Variants in COL6A3 observed in about 807,000 individuals in gnomAD.
COL6A3 encodes the protein collagen type VI alpha 3 chain.
A neutral mutation model predicts 274.1 loss-of-function variants in COL6A3; 137 were observed. The observed-to-expected ratio is 0.50, with a 90% CI of 0.44 to 0.58. COL6A3 has a LOEUF of 0.58. Ranked by LOEUF, COL6A3 falls within the 20% of genes least tolerant of loss-of-function variation. COL6A3 has a pLI of 0.00. For synonymous variants in COL6A3, 1,650 were observed against 1,650.6 expected, an observed-to-expected ratio of 1.00 and a Z score of 0.01; for missense variants, 3,950 against 4,124.9, an observed-to-expected ratio of 0.96 and a Z score of 1.16.
Position 237,364,420 on chromosome 2 carries a change from A to C in COL6A3, c.5847T>G (p.Ile1949Met). The C allele has an allele frequency of 6.2e-7, 1 of 1,613,412 alleles. No homozygotes were observed. Among genetic ancestry groups the C allele is most frequent in the Non-Finnish European group, 8.5e-7 (1 of 1,179,394 alleles). ...QSSPDSVKVV[I>M]HFTDGADGDL... ...CTCCGTCTGCTCCATCAGTAAAATG[A>C]ATGACCACCTGCAGATAAGAGAGCT... is the stretch of plus-strand genomic sequence containing the variant. The change falls in exon 13 of 44, where the codon ATT becomes ATG. Residue 1949 changes from isoleucine (I) to methionine (M), a missense_variant. Physicochemically the swap from Ile to Met is conservative, Grantham distance 10. Coordinates refer to ENST00000295550, the MANE Select transcript of COL6A3 (RefSeq NM_004369.4). The surrounding 1 kb of genome is among the most constrained non-coding windows in gnomAD (Gnocchi z 4.6).
At chr2:237,360,218 C>T (rs1024639442) in intron 16 of COL6A3, 59 bp from the exon 17 acceptor site, 34 of 1,545,884 alleles carry the variant, frequency 2.2e-5, no homozygotes, top group Middle Eastern at 1.7e-4. Flanking sequence ...CTTTCTCTGC[C>T]GGGCTTGCAG....
rs771091001 is a variant in COL6A3, at chr2:237,377,215, G to A, written c.2627C>T (p.Ala876Val). The A allele has an allele frequency of 1.2e-5, 19 of 1,613,562 alleles. No homozygotes were observed. Among genetic ancestry groups the A allele is most frequent in the South Asian group, 3.3e-5 (3 of 91,072 alleles). Residue 876 changes from alanine (A) to valine (V), a missense_variant, in exon 7 of 44, where the codon GCG becomes GTG. Coordinates refer to ENST00000295550, the MANE Select transcript of COL6A3 (RefSeq NM_004369.4). The part of the protein sequence containing the change: ...LNVKPEGTRI[A>V]VAQYSDDVKV... ...GACATCATCGCTGTACTGAGCCACC[G>A]CAATTCGGGTCCCCTCTGGCTTCAC...
At chr2:237,387,488 C>T (rs998261601) in intron 4 of COL6A3, 94 bp downstream of exon 4, 31 of 1,586,512 alleles carry the variant, frequency 2.0e-5, no homozygotes, top group East Asian at 4.5e-5. Context: ...CAGCTTCTCC[C>T]GTGGCGAATC....
chr2:237,372,744 A>G (rs992789905), intron 8 of COL6A3, among the ~76,000 whole-genome samples: 1 of 152,338 alleles, frequency 6.6e-6, no homozygotes, highest in Admixed American at 6.5e-5. Flanking sequence ...GGGTGGGCTC[A>G]GAGAGGATGG....
At chr2:237,351,796 T>C (rs1053259898) in intron 26 of COL6A3, among the ~76,000 whole-genome samples, 28 of 152,254 alleles carry the variant, frequency 1.8e-4, no homozygotes, top group African/African-American at 5.8e-4. Flanking sequence ...CGTCTAAAGA[T>C]ATGTATTTAT....
Position 237,358,733 on chromosome 2 carries a change from T to A in COL6A3, c.6409-150A>T. ...TGAAGGCAAATTCACTTCCACATAT[T>A]TTTCATTCGTTTAGTAAATCCATGA... On this transcript the variant is annotated intron_variant, in intron 20 of 43. Transcript: ENST00000295550. 4.9e-6 allele frequency: 4 copies of A among 808,770 alleles called. No individual in the cohort carries two copies. The Admixed American group carries it at 8.2e-5, about 17-fold the overall frequency. 50.1% of individuals were successfully genotyped at this position (808,770 alleles called of 1,614,324 possible). A position where few individuals can be genotyped will look rare whatever the true frequency, so the allele number is the denominator to read the frequency against.
At position 237,334,987 on chromosome 2, in the gene COL6A3, C is replaced by A. The variant is rs1216703216; in HGVS notation, c.8966-98G>T. ...AATCTGAAAGGGATGTGTTAACAGACAAATTGACTTGAAATTTAGCTGAGG... is the reference window on the plus strand; with the variant it reads ...AATCTGAAAGGGATGTGTTAACAGAAAAATTGACTTGAAATTTAGCTGAGG... On this transcript the variant is annotated intron_variant, in intron 40 of 43. Transcript: ENST00000295550. 6 of 1,442,246 alleles carry A rather than the reference C, an allele frequency of 4.2e-6. No individual in the cohort carries two copies. The African/African-American group carries it at 4.2e-5, about 10-fold the overall frequency. The allele number at this position is 1,442,246 out of a possible 1,614,324, so 89.3% of individuals were successfully genotyped here.
chr2:237,347,814 C>T lies in COL6A3; in HGVS notation c.7022G>A (p.Gly2341Asp), dbSNP rs1309246158. The change falls in exon 31 of 44, where the codon GGC (glycine) becomes GAC (aspartate). Residue 2341 changes from glycine to aspartate, a missense_variant. Physicochemically the swap from Gly to Asp is moderately conservative, Grantham distance 94. Transcript: ENST00000295550. Reference sequence around the variant, plus strand: ...AGGCCCACGCAAACTTACCCTTCGGCCTCTGATGCCTTTGGGTCCTGTTGT... The same window carrying T: ...AGGCCCACGCAAACTTACCCTTCGGTCTCTGATGCCTTTGGGTCCTGTTGT... ...NGTTGPKGIR[G>D]RRGNSGPPGI... 1 of 1,610,528 alleles carries T rather than the reference C, an allele frequency of 6.2e-7. No individual in the cohort carries two copies. Among genetic ancestry groups the T allele is most frequent in the Non-Finnish European group, 8.5e-7 (1 of 1,178,454 alleles).
At chr2:237,351,808 A>G (rs2077212761) in intron 26 of COL6A3, among the ~76,000 whole-genome samples, 1 of 152,272 alleles carries the variant, frequency 6.6e-6, no homozygotes, top group Non-Finnish European at 1.5e-5. Flanking sequence ...TGTATTTATC[A>G]GCTTTCAAGC....
chr2:237,331,146 G>T (rs1416829498), intron 42 of COL6A3, among the ~76,000 whole-genome samples: 1 of 152,164 alleles, frequency 6.6e-6, no homozygotes, highest in Non-Finnish European at 1.5e-5. Context: ...ACTTCATTTT[G>T]CCTGAATGGT....
intron 6 of COL6A3, among the ~76,000 whole-genome samples, chr2:237,378,416 A>G (rs544360970): frequency 6.6e-6 from 1 of 152,364 alleles, no homozygotes; most frequent in Non-Finnish European, 1.5e-5. Flanking sequence ...AATGGACAGA[A>G]CATAAGCTGG....
At chr2:237,347,234 C>T (rs2077115592) in intron 31 of COL6A3, among the ~76,000 whole-genome samples, 1 of 151,558 alleles carries the variant, frequency 6.6e-6, no homozygotes. Context: ...AAGATGGCAC[C>T]ACTGCACTCC....
rs1014708802 is a variant in COL6A3 at position 237,363,152 on chromosome 2, C to A, written c.6063+101G>T. ...TTAACTATCTACCAAGGCCCCCCCCCCACCTCCATTCACCTGCTGATAATT... is the reference window on the plus strand; with the variant it reads ...TTAACTATCTACCAAGGCCCCCCCCACACCTCCATTCACCTGCTGATAATT... On this transcript the variant is annotated intron_variant, in intron 14 of 43. Transcript: ENST00000295550. 58 of 1,192,736 alleles carry A rather than the reference C, an allele frequency of 4.9e-5. 1 individual carries two copies. The highest frequency in any genetic ancestry group is 6.6e-5 in the Non-Finnish European group (53 of 802,344). 73.9% of individuals were successfully genotyped at this position (1,192,736 alleles called of 1,614,324 possible).
Position 237,340,674 on chromosome 2 carries a change from G to T in COL6A3, c.8242C>A (p.Pro2748Thr). 1 of 1,614,116 alleles carries T rather than the reference G, an allele frequency of 6.2e-7. No individual in the cohort carries two copies. Reference sequence around the variant, plus strand: ...TGGGCCTCCTCCAGCTGCTGCTCCGGCACCTCGCCCGTCAGCATCAGGACC... The same window carrying T: ...TGGGCCTCCTCCAGCTGCTGCTCCGTCACCTCGCCCGTCAGCATCAGGACC... ...IVVLMLTGEV[P>T]EQQLEEAQRV... The change falls in exon 38 of 44, where the codon CCG becomes ACG. Residue 2748 changes from proline to threonine, a missense_variant. Coordinates refer to ENST00000295550, the MANE Select transcript of COL6A3 (RefSeq NM_004369.4).
At chr2:237,358,027 C>A in intron 21 of COL6A3, 145 bp from the exon 22 acceptor site, 1 of 801,618 alleles carries the variant, frequency 1.2e-6, no homozygotes, top group Non-Finnish European at 2.2e-6. Flanking sequence ...ATCCAGGTAA[C>A]ATCCATGCAG....
chr2:237,348,025 T>C (rs1203787362), intron 30 of COL6A3, among the ~76,000 whole-genome samples, 156 bp from the exon 31 acceptor site: 2 of 152,254 alleles, frequency 1.3e-5, no homozygotes, highest in Non-Finnish European at 2.9e-5. Flanking sequence ...GTTACTACTA[T>C]ATTTGTGGTA....
chr2:237,368,570 T>C lies in COL6A3; in HGVS notation c.4893A>G (p.Ser1631=). The C allele has an allele frequency of 6.2e-7, 1 of 1,613,934 alleles. No homozygotes were observed. Among genetic ancestry groups the C allele is most frequent in the Non-Finnish European group, 8.5e-7 (1 of 1,179,932 alleles). ...APPGVDTPPP[S]RPEKKKADIV... ...GGGTCACACGGTGCATACCTGGCCG[T>C]GAAGGAGGAGGGGTGTCCACCCCTG... The change falls in exon 10 of 44, where the codon TCA becomes TCG. Residue 1631 remains serine (S), a synonymous_variant. Coordinates refer to ENST00000295550, the MANE Select transcript of COL6A3 (RefSeq NM_004369.4). This position sits in a 1 kb window ranked among gnomAD's most constrained non-coding sequence, Gnocchi z 4.4.
At chr2:237,352,176 G>C (rs764837397) in intron 26 of COL6A3, among the ~76,000 whole-genome samples, 2 of 152,128 alleles carry the variant, frequency 1.3e-5, no homozygotes, top group African/African-American at 4.8e-5. Context: ...CTATCTCCAG[G>C]GACCAAAGGG....
intron 42 of COL6A3, among the ~76,000 whole-genome samples, chr2:237,330,776 G>C (rs937017719): frequency 2.0e-5 from 3 of 152,084 alleles, no homozygotes; most frequent in Non-Finnish European, 2.9e-5. Flanking sequence ...TGTCAAAATG[G>C]GCAAACATTA....
Sources: allele counts gnomAD v4.1 joint callset (sites outside exome capture counted in the v4.1 genomes callset), GRCh38; gene constraint gnomAD v4.1.1; non-coding constraint Gnocchi (gnomAD v3.1); transcripts MANE v1.5; gene names NCBI Gene and HGNC (gene_info 2026-07-23, HGNC 2026-07-21).